Variants in CHST11 observed in about 807,000 individuals in gnomAD.
CHST11 encodes the protein carbohydrate sulfotransferase 11.
A neutral mutation model predicts 30.4 loss-of-function variants in CHST11; 9 were observed. The ratio of observed to expected loss-of-function variants is 0.30; its 90% confidence interval spans 0.18 to 0.52. The LOEUF (loss-of-function observed/expected upper bound fraction) is 0.52. Among genes scored for constraint, CHST11 ranks in the 20% least tolerant of loss-of-function variants. The pLI is 0.97. For synonymous variants in CHST11, 152 were observed against 187.8 expected, an observed-to-expected ratio of 0.81 and a Z score of 1.56; for missense variants, 348 against 460.6, an observed-to-expected ratio of 0.76 and a Z score of 2.24.
chr12:104,704,805 C>T lies in CHST11; in HGVS notation c.205-52144C>T, dbSNP rs144873610. Among the ~76,000 whole-genome samples the T allele has an allele frequency of 4.8e-3, 730 of 152,080 alleles. 8 individuals carry two copies. Among genetic ancestry groups the T allele is most frequent in the African/African-American group, 0.017 (686 of 41,466 alleles). The stretch of plus-strand genomic sequence containing the variant: ...GCTCATTTGTTCTTGGTGGCTTGGC[C>T]CCGAGGTATGGAGGAAAGCGGAAGG... On this transcript the variant is annotated intron_variant, in intron 2 of 2. Transcript: ENST00000303694.
chr12:104,573,909 C>T (rs1046080547), intron 1 of CHST11, among the ~76,000 whole-genome samples: 23 of 152,204 alleles, frequency 1.5e-4, no homozygotes, highest in African/African-American at 5.1e-4. Flanking sequence ...AAACTACTAT[C>T]AGAGTGAACA....
At chr12:104,752,458 A>G (rs554699367) in intron 2 of CHST11, among the ~76,000 whole-genome samples, 5 of 152,310 alleles carry the variant, frequency 3.3e-5, no homozygotes, top group South Asian at 4.1e-4. Context: ...GTACAGCTCT[A>G]TGAAAGAACT....
At chr12:104,625,340 T>C (rs896632360) in intron 2 of CHST11, among the ~76,000 whole-genome samples, 4 of 152,204 alleles carry the variant, frequency 2.6e-5, no homozygotes, top group Non-Finnish European at 5.9e-5. Flanking sequence ...GTTTCGCTCT[T>C]GTCGCCCAGG....
intron 2 of CHST11, among the ~76,000 whole-genome samples, chr12:104,657,535 C>T (rs1324020902): frequency 2.0e-5 from 3 of 152,004 alleles, no homozygotes; most frequent in Admixed American, 6.6e-5. Flanking sequence ...AAAAAACCCT[C>T]GAGATCATTT....
intron 2 of CHST11, among the ~76,000 whole-genome samples, chr12:104,685,814 C>T (rs1158491374): frequency 6.6e-6 from 1 of 152,202 alleles, no homozygotes; most frequent in Non-Finnish European, 1.5e-5. Flanking sequence ...CATGTGTTCT[C>T]TGCCTATTCC....
Position 104,690,102 on chromosome 12 carries a change from T to C in CHST11, c.205-66847T>C, listed in dbSNP as rs115243770. Among the ~76,000 whole-genome samples, 1,018 of 152,344 alleles carry C rather than the reference T, an allele frequency of 6.7e-3. 7 individuals are homozygous for C. The highest frequency in any genetic ancestry group is 0.023 in the African/African-American group (949 of 41,576). ...AAGGTGAAGATTTAAAAATAATTTA[T>C]TCCCATGTAGCCACAGGAAATCAAT... On this transcript the variant is annotated intron_variant, in intron 2 of 2. Transcript: ENST00000303694.
At chr12:104,529,750 G>A (rs889700083) in intron 1 of CHST11, among the ~76,000 whole-genome samples, 5 of 152,298 alleles carry the variant, frequency 3.3e-5, no homozygotes, top group South Asian at 2.1e-4. Context: ...CAACATGACC[G>A]AAAAGTTACT....
At chr12:104,468,466 A>ACCCGGCTGTATGACTTCATATCCGCTG (rs1173680591) in intron 1 of CHST11, among the ~76,000 whole-genome samples, 1 of 152,054 alleles carries the variant, frequency 6.6e-6, no homozygotes, top group African/African-American at 2.4e-5. Context: ...TAAAAACCAA[A>ACCCGGCTGTATGACTTCATATCCGCTG]CCCGGCTGTA....
intron 1 of CHST11, among the ~76,000 whole-genome samples, chr12:104,517,996 A>G (rs1052337866): frequency 2.0e-5 from 3 of 152,188 alleles, no homozygotes. Context: ...CCTCTGAGTC[A>G]AGACCACCTT....
chr12:104,493,136 T>G (rs997687589), intron 1 of CHST11, among the ~76,000 whole-genome samples: 1 of 152,224 alleles, frequency 6.6e-6, no homozygotes, highest in African/African-American at 2.4e-5. Flanking sequence ...GTCAGATGTT[T>G]TTGACCAAAA....
At chr12:104,545,257 A>G (rs1328871126) in intron 1 of CHST11, among the ~76,000 whole-genome samples, 1 of 152,188 alleles carries the variant, frequency 6.6e-6, no homozygotes, top group Non-Finnish European at 1.5e-5. Flanking sequence ...GGCCCGTTTG[A>G]GGGTGGGGAG....
chr12:104,701,904 G>A (rs913553624), intron 2 of CHST11, among the ~76,000 whole-genome samples: 1 of 152,184 alleles, frequency 6.6e-6, no homozygotes, highest in African/African-American at 2.4e-5. Flanking sequence ...CCAGTATTGG[G>A]CTCCCAATAT....
intron 1 of CHST11, among the ~76,000 whole-genome samples, chr12:104,503,658 C>T (rs564409265): frequency 6.6e-6 from 1 of 152,222 alleles, no homozygotes; most frequent in South Asian, 2.1e-4. Flanking sequence ...TCTTGTGTCC[C>T]CTAGAGGCCC....
chr12:104,576,338 G>A (rs2038683451), intron 1 of CHST11, among the ~76,000 whole-genome samples: 1 of 152,156 alleles, frequency 6.6e-6, no homozygotes, highest in African/African-American at 2.4e-5. Flanking sequence ...GGGCCTAGCG[G>A]AAGCCAGGGC....
intron 2 of CHST11, among the ~76,000 whole-genome samples, chr12:104,605,051 C>A (rs1375648675): frequency 6.7e-6 from 1 of 149,966 alleles, no homozygotes; most frequent in Non-Finnish European, 1.5e-5. Context: ...TGAAATTCAA[C>A]CCAAAAACAA....
At chr12:104,710,451 C>T (rs556490513) in intron 2 of CHST11, among the ~76,000 whole-genome samples, 1 of 152,122 alleles carries the variant, frequency 6.6e-6, no homozygotes, top group Non-Finnish European at 1.5e-5. Flanking sequence ...TTCCCGCTTG[C>T]GGTTCCCAAC....
intron 1 of CHST11, among the ~76,000 whole-genome samples, chr12:104,527,452 A>G (rs1055303628): frequency 3.3e-5 from 5 of 152,038 alleles, no homozygotes; most frequent in African/African-American, 1.2e-4. Context: ...CTTGCCTGAG[A>G]AACTACAGAT....
chr12:104,606,180 G>GC (rs920146342), intron 2 of CHST11, among the ~76,000 whole-genome samples: 32 of 135,470 alleles, frequency 2.4e-4, no homozygotes, highest in African/African-American at 4.3e-4. Flanking sequence ...GGGGGCGGGG[G>GC]GGGGAATGGC....
intron 1 of CHST11, among the ~76,000 whole-genome samples, chr12:104,486,865 G>A (rs1031754491): frequency 5.3e-5 from 8 of 152,168 alleles, no homozygotes; most frequent in African/African-American, 1.9e-4. Context: ...ACGAAGGGGG[G>A]CATACTAGCC....
Sources: allele counts gnomAD v4.1 joint callset (sites outside exome capture counted in the v4.1 genomes callset), GRCh38; gene constraint gnomAD v4.1.1; transcripts MANE v1.5; gene names NCBI Gene and HGNC (gene_info 2026-07-23, HGNC 2026-07-21).